Variants in WWTR1 observed in about 807,000 individuals in gnomAD.
WWTR1 encodes the protein WW domain-containing transcription regulator protein 1.
In WWTR1, 13 loss-of-function variants were observed where a neutral mutation model predicts 40.1. That is an observed-to-expected ratio of 0.32 (90% CI 0.21 to 0.52). The LOEUF (loss-of-function observed/expected upper bound fraction) is 0.52. Among genes scored for constraint, WWTR1 ranks in the 20% least tolerant of loss-of-function variants. WWTR1 has a pLI of 0.97. For synonymous variants in WWTR1, 230 were observed against 210.1 expected (o/e 1.09, Z -0.82); for missense variants, 436 against 523.1 (o/e 0.83, Z 1.63).
intron 2 of WWTR1, among the ~76,000 whole-genome samples, chr3:149,592,550 A>T (rs1738779145): frequency 6.6e-6 from 1 of 152,232 alleles, no homozygotes; most frequent in East Asian, 1.9e-4. Flanking sequence ...CAGAGCTAAT[A>T]TAGATTAGAG....
At chr3:149,600,128 G>A (rs540326858) in intron 2 of WWTR1, among the ~76,000 whole-genome samples, 21 of 152,154 alleles carry the variant, frequency 1.4e-4, no homozygotes, top group Non-Finnish European at 2.4e-4. Context: ...GTCTATAAAG[G>A]ACTTGAGCGT....
At chr3:149,543,245 CTATT>C (rs1231684691) in intron 3 of WWTR1, among the ~76,000 whole-genome samples, 8 of 152,100 alleles carry the variant, frequency 5.3e-5, no homozygotes, top group African/African-American at 1.9e-4. Flanking sequence ...TTAAAATGCT[CTATT>C]TATCTGCATT....
chr3:149,622,854 C>T lies in WWTR1; in HGVS notation c.431+34022G>A, dbSNP rs73155022. On this transcript the variant is annotated intron_variant, in intron 2 of 6. Coordinates refer to ENST00000360632, the MANE Select transcript of WWTR1 (RefSeq NM_015472.6). ...GCAGTAAGCTCACATCACACCACTGCGCTCCAGTCTGGGTGACAGAGTGAG... is the reference window on the plus strand; with the variant it reads ...GCAGTAAGCTCACATCACACCACTGTGCTCCAGTCTGGGTGACAGAGTGAG... 3.5e-3 allele frequency among the ~76,000 whole-genome samples: 533 copies of T among 151,966 alleles called. 1 individual carries two copies. Among genetic ancestry groups the T allele is most frequent in the Non-Finnish European group, 5.3e-3 (362 of 67,972 alleles).
intron 3 of WWTR1, among the ~76,000 whole-genome samples, chr3:149,562,762 A>T (rs1042774718): frequency 3.3e-5 from 5 of 152,020 alleles, no homozygotes; most frequent in Non-Finnish European, 5.9e-5. Flanking sequence ...CTGGAGAACT[A>T]TTCAGAATAA....
chr3:149,691,378 CT>C (rs1008471265), intron 1 of WWTR1, among the ~76,000 whole-genome samples: 13 of 147,090 alleles, frequency 8.8e-5, no homozygotes, highest in South Asian at 2.2e-4. Context: ...ATGAAAATTT[CT>C]TTTTTTTTTG....
At chr3:149,608,141 A>G (rs1739569216) in intron 2 of WWTR1, among the ~76,000 whole-genome samples, 1 of 152,214 alleles carries the variant, frequency 6.6e-6, no homozygotes, top group African/African-American at 2.4e-5. Flanking sequence ...ATTCATATAC[A>G]TTTATTATTT....
At chr3:149,668,306 A>T (rs1018989421) in intron 2 of WWTR1, among the ~76,000 whole-genome samples, 1 of 152,108 alleles carries the variant, frequency 6.6e-6, no homozygotes, top group Non-Finnish European at 1.5e-5. Context: ...TGCCCTAAGG[A>T]TAGATTTTTG....
chr3:149,572,812 A>G, intron 3 of WWTR1, 52 bp downstream of exon 3: 2 of 1,587,824 alleles, frequency 1.3e-6, no homozygotes, highest in South Asian at 1.1e-5. Flanking sequence ...GGAGACCCCA[A>G]CTCTACAAAA....
intron 4 of WWTR1, among the ~76,000 whole-genome samples, chr3:149,537,331 A>G (rs1053846393): frequency 1.3e-5 from 2 of 152,244 alleles, no homozygotes; most frequent in African/African-American, 2.4e-5. Flanking sequence ...TTCCCAATAT[A>G]TTAAGAAGAG....
At chr3:149,599,907 A>C (rs897153185) in intron 2 of WWTR1, among the ~76,000 whole-genome samples, 1 of 152,204 alleles carries the variant, frequency 6.6e-6, no homozygotes, top group African/African-American at 2.4e-5. Flanking sequence ...ACATCCTGGG[A>C]TTCAACCAAC....
intron 2 of WWTR1, among the ~76,000 whole-genome samples, chr3:149,652,095 G>A (rs1397703286): frequency 4.1e-5 from 6 of 147,546 alleles, no homozygotes; most frequent in African/African-American, 7.5e-5. Flanking sequence ...CGCCCGCCTC[G>A]GCCTCCCAAA....
chr3:149,580,609 T>TTCTG (rs1553794955), intron 2 of WWTR1, among the ~76,000 whole-genome samples: 1 of 152,136 alleles, frequency 6.6e-6, no homozygotes, highest in Non-Finnish European at 1.5e-5. Context: ...AGATTAGGTT[T>TTCTG]TTTGTTTGTT....
chr3:149,586,619 C>G (rs1177629910), intron 2 of WWTR1, among the ~76,000 whole-genome samples: 1 of 152,080 alleles, frequency 6.6e-6, no homozygotes, highest in Non-Finnish European at 1.5e-5. Flanking sequence ...TTGGAATTTT[C>G]TGGGTGATAG....
chr3:149,608,968 C>A (rs1447711467), intron 2 of WWTR1, among the ~76,000 whole-genome samples: 1 of 152,080 alleles, frequency 6.6e-6, no homozygotes, highest in Non-Finnish European at 1.5e-5. Context: ...ACTCAGGAGG[C>A]TGAGGTGGGA....
chr3:149,571,964 T>C (rs1737651895), intron 3 of WWTR1, among the ~76,000 whole-genome samples: 1 of 152,186 alleles, frequency 6.6e-6, no homozygotes, highest in South Asian at 2.1e-4. Flanking sequence ...TTATCTCTAG[T>C]GGGGATAATT....
chr3:149,632,150 G>T (rs759618883), intron 2 of WWTR1, among the ~76,000 whole-genome samples: 1 of 152,150 alleles, frequency 6.6e-6, no homozygotes, highest in Non-Finnish European at 1.5e-5. Flanking sequence ...GGGTTCAAGC[G>T]ATCTGCCTGG....
chr3:149,610,026 CAGA>C (rs1378677066), intron 2 of WWTR1, among the ~76,000 whole-genome samples: 3 of 152,068 alleles, frequency 2.0e-5, no homozygotes. Context: ...AGGGCTCAGG[CAGA>C]AGAAAAGTAG....
Position 149,542,494 on chromosome 3 carries a change from C to T in WWTR1, c.612G>A (p.Leu204=), listed in dbSNP as rs1736158548. The change falls in exon 4 of 7, where the codon CTG becomes CTA. Residue 204 remains leucine (L), a synonymous_variant. Coordinates refer to ENST00000360632, the MANE Select transcript of WWTR1 (RefSeq NM_015472.6). ...TCTGAGTGGGGTGGTTCTGCTGGCT[C>T]AGGGTACTGGGGGCCATCTGCTGCT... ...QHQQQMAPST[L]SQQNHPTQNP... is the part of the protein sequence containing the mutation. 1 of 1,613,844 alleles carries T rather than the reference C, an allele frequency of 6.2e-7. No homozygotes were observed. Among genetic ancestry groups the T allele is most frequent in the Non-Finnish European group, 8.5e-7 (1 of 1,179,844 alleles).
At chr3:149,707,229 C>T (rs369186484), upstream of WWTR1, among the ~76,000 whole-genome samples, 21 of 152,168 alleles carry the variant, frequency 1.4e-4, no homozygotes, top group East Asian at 1.2e-3. Flanking sequence ...TTCACTAGCA[C>T]ATGCAGTGTA....
Sources: gnomAD v4.1 joint callset for allele counts (sites outside exome capture counted in the v4.1 genomes callset) on GRCh38, gnomAD v4.1.1 for gene constraint, MANE v1.5 for transcripts, NCBI Gene and HGNC (gene_info 2026-07-23, HGNC 2026-07-21) for gene names.